NFATC3: variants seen among roughly 807,000 people sequenced by gnomAD.
The protein encoded by NFATC3 is nuclear factor of activated T-cells, cytoplasmic 3.
A neutral mutation model predicts 98.6 loss-of-function variants in NFATC3; 46 were observed. The observed-to-expected ratio is 0.47, with a 90% CI of 0.37 to 0.60. NFATC3 has a LOEUF of 0.60. NFATC3 is among the 20% of genes least tolerant of loss of function. The probability of loss-of-function intolerance (pLI) is 0.00; values close to 1 mark genes in which losing one functional copy is unlikely to be tolerated. For synonymous variants in NFATC3, 512 were observed against 472.2 expected, an observed-to-expected ratio of 1.08 and a Z score of -1.09; for missense variants, 1,256 against 1,295.5, an observed-to-expected ratio of 0.97 and a Z score of 0.47.
At chr16:68,103,435 C>T (rs2151466494) in intron 1 of NFATC3, among the ~76,000 whole-genome samples, 1 of 152,276 alleles carries the variant, frequency 6.6e-6, no homozygotes, top group South Asian at 2.1e-4. Context: ...GTCTCAAATT[C>T]CTGGGCTCAA....
chr16:68,162,788 G>C (rs1044619790), intron 4 of NFATC3, among the ~76,000 whole-genome samples: 2 of 151,172 alleles, frequency 1.3e-5, no homozygotes, highest in Non-Finnish European at 2.9e-5. Flanking sequence ...GGTGTTTCTC[G>C]CAGAGGGGGA....
chr16:68,113,384 G>A (rs192284871), intron 1 of NFATC3, among the ~76,000 whole-genome samples: 7 of 152,284 alleles, frequency 4.6e-5, no homozygotes, highest in Admixed American at 4.6e-4. Flanking sequence ...GACCACTCCT[G>A]ACCTAATTCA....
At chr16:68,202,252 T>C (rs866965176) in intron 9 of NFATC3, among the ~76,000 whole-genome samples, 3 of 152,064 alleles carry the variant, frequency 2.0e-5, no homozygotes, top group Non-Finnish European at 4.4e-5. Flanking sequence ...ATCCTGAATG[T>C]AGGGCATTTG....
chr16:68,205,271 A>T (rs538373621), intron 9 of NFATC3, among the ~76,000 whole-genome samples: 1 of 152,250 alleles, frequency 6.6e-6, no homozygotes, highest in South Asian at 2.1e-4. Context: ...GAACGGAGAC[A>T]GGAGTTTGCT....
chr16:68,085,594 A>T lies in NFATC3; in HGVS notation c.-88A>T, dbSNP rs764160008. On this transcript the variant is annotated 5_prime_UTR_variant, in exon 1 of 10. It removes an upstream start codon present in the reference 5' UTR. Coordinates refer to ENST00000346183, the MANE Select transcript of NFATC3 (RefSeq NM_173165.3). ...GACCTCTTGGCCCGCGCGGCCCGGC[A>T]TGAAGCGGCGTTGAGGAGCTGCTGC... The T allele has an allele frequency of 9.2e-6, 11 of 1,200,712 alleles. No individual in the cohort carries two copies. The highest frequency in any genetic ancestry group is 3.3e-5 in the Admixed American group (1 of 30,244). 74.4% of individuals were successfully genotyped at this position (1,200,712 alleles called of 1,614,324 possible).
At chr16:68,130,819 G>A (rs1329344055) in intron 3 of NFATC3, among the ~76,000 whole-genome samples, 1 of 151,926 alleles carries the variant, frequency 6.6e-6, no homozygotes, top group Non-Finnish European at 1.5e-5. Context: ...TGATTTTTTT[G>A]TATATGATGA....
chr16:68,176,872 G>A (rs990048178), intron 6 of NFATC3, among the ~76,000 whole-genome samples: 2 of 152,072 alleles, frequency 1.3e-5, no homozygotes, highest in Non-Finnish European at 2.9e-5. Flanking sequence ...CCTTGCACAT[G>A]TGACAGAGCT....
At chr16:68,117,796 G>A (rs562291045) in intron 1 of NFATC3, among the ~76,000 whole-genome samples, 13 of 152,148 alleles carry the variant, frequency 8.5e-5, no homozygotes, top group Non-Finnish European at 1.2e-4. Flanking sequence ...GGGATTACAG[G>A]TGTGAGCCAC....
chr16:68,191,576 G>A lies in NFATC3; in HGVS notation c.2907G>A (p.Met969Ile). 1 of 1,614,148 alleles carries A rather than the reference G, an allele frequency of 6.2e-7. No homozygotes were observed. Among genetic ancestry groups the A allele is most frequent in the Non-Finnish European group, 8.5e-7 (1 of 1,180,032 alleles). ...CATCACCGTCTCCAGCCACCAGAAT[G>A]CATTCTGGACAGCACTCAACTCAAG... ...TASSPSPATR[M>I]HSGQHSTQAQ... Residue 969 changes from methionine (M) to isoleucine (I), a missense_variant, in exon 9 of 10, where the codon ATG becomes ATA. This residue lies in a region of NFATC3 where 636 missense variants were observed against 617.3 expected (regional missense o/e 1.03). Transcript: ENST00000346183.
intron 1 of NFATC3, among the ~76,000 whole-genome samples, chr16:68,115,784 G>A (rs1017462024): frequency 6.6e-6 from 1 of 151,862 alleles, no homozygotes; most frequent in African/African-American, 2.4e-5. Flanking sequence ...CTGTGAGTTG[G>A]GAGTATTATG....
chr16:68,094,515 TC>T (rs1300283285), intron 1 of NFATC3, among the ~76,000 whole-genome samples: 4 of 152,234 alleles, frequency 2.6e-5, no homozygotes, highest in African/African-American at 9.6e-5. Context: ...CACATTTTTT[TC>T]CTTGATATTT....
At chr16:68,088,945 G>C (rs904885126) in intron 1 of NFATC3, 1 of 984,556 alleles carries the variant, frequency 1.0e-6, no homozygotes, top group African/African-American at 1.7e-5. Flanking sequence ...TTACAGGTGT[G>C]AGCCACTGCA....
intron 1 of NFATC3, among the ~76,000 whole-genome samples, chr16:68,105,672 G>A (rs2035616209): frequency 6.6e-6 from 1 of 152,146 alleles, no homozygotes; most frequent in Non-Finnish European, 1.5e-5. Flanking sequence ...AAGTAGTGCT[G>A]TTAATTCTTG....
intron 5 of NFATC3, among the ~76,000 whole-genome samples, chr16:68,168,251 C>T (rs1308089531): frequency 1.3e-5 from 2 of 152,058 alleles, no homozygotes; most frequent in African/African-American, 4.8e-5. Flanking sequence ...TCCTCCACCT[C>T]CAGAGTTTAA....
In NFATC3 at chr16:68,228,791, A is replaced by C. The variant is rs867879471; in HGVS notation, c.*2320A>C. 9.2e-5 allele frequency: 14 copies of C among 152,286 alleles called. No homozygotes were observed. Among genetic ancestry groups the C allele is most frequent in the African/African-American group, 2.9e-4 (12 of 41,386 alleles). 9.4% of individuals were successfully genotyped at this position (152,286 alleles called of 1,614,324 possible). On this transcript the variant is annotated 3_prime_UTR_variant, in exon 10 of 10. Coordinates refer to ENST00000346183, the MANE Select transcript of NFATC3 (RefSeq NM_173165.3). ...CACGTGCTAGTACGCACCCCCTCCT[A>C]CTCTAACTGTGCTAGCTCTTGGGTT...
chr16:68,158,571 G>A (rs935922568), intron 4 of NFATC3, among the ~76,000 whole-genome samples: 1 of 151,998 alleles, frequency 6.6e-6, no homozygotes, highest in Non-Finnish European at 1.5e-5. Flanking sequence ...AACAGTTAGG[G>A]GTTTAGTGTT....
chr16:68,224,744 C>G (rs1179375058), intron 9 of NFATC3: 2 of 151,872 alleles, frequency 1.3e-5, no homozygotes, highest in East Asian at 1.9e-4. Flanking sequence ...AATTTTTGTT[C>G]CGAACTGTGT....
intron 6 of NFATC3, 128 bp from the exon 7 acceptor site, chr16:68,181,347 C>T: frequency 1.5e-6 from 1 of 671,594 alleles, no homozygotes; most frequent in Non-Finnish European, 2.6e-6. Context: ...ATTTTATTTT[C>T]ATAATGGAAG....
At chr16:68,091,083 A>G (rs1355892765) in intron 1 of NFATC3, among the ~76,000 whole-genome samples, 2 of 152,222 alleles carry the variant, frequency 1.3e-5, no homozygotes, top group Non-Finnish European at 2.9e-5. Context: ...AAAAACATTC[A>G]TCATTGCAAG....
Sources: gnomAD v4.1 joint callset for allele counts (sites outside exome capture counted in the v4.1 genomes callset) on GRCh38, gnomAD v4.1.1 for gene constraint, gnomAD v4.1.1 regional missense constraint, MANE v1.5 for transcripts, NCBI Gene and HGNC (gene_info 2026-07-23, HGNC 2026-07-21) for gene names.